INPP4B: variants seen among roughly 807,000 people sequenced by gnomAD.
INPP4B encodes the protein inositol polyphosphate 4-phosphatase type II.
Under a neutral mutation model 122.5 loss-of-function variants are expected in INPP4B, and 55 were observed. The ratio of observed to expected loss-of-function variants is 0.45; its 90% confidence interval spans 0.36 to 0.56. INPP4B has a LOEUF of 0.56. Ranked by LOEUF, INPP4B falls within the 20% of genes least tolerant of loss-of-function variation. INPP4B has a pLI of 0.00. For missense variants in INPP4B, 1,000 were observed against 1,097.7 expected (o/e 0.91, Z 1.26); for synonymous variants, 403 against 388.7 (o/e 1.04, Z -0.43).
chr4:142,673,359 A>C (rs1443348409), intron 2 of INPP4B, among the ~76,000 whole-genome samples: 1 of 151,870 alleles, frequency 6.6e-6, no homozygotes, highest in African/African-American at 2.4e-5. Flanking sequence ...CCTATTATAT[A>C]TTAGCCTATG....
chr4:142,136,937 AT>A (rs1294356883), intron 18 of INPP4B, among the ~76,000 whole-genome samples: 2 of 152,232 alleles, frequency 1.3e-5, no homozygotes, highest in Middle Eastern at 3.2e-3. Context: ...AAGAATCAAT[AT>A]CGTGAAAATG....
chr4:142,372,668 C>T lies in INPP4B; in HGVS notation c.372+30270G>A, dbSNP rs529091490. Among the ~76,000 whole-genome samples, 13 of 152,124 alleles carry T rather than the reference C, an allele frequency of 8.5e-5. No individual in the cohort carries two copies. The South Asian group carries it at 1.2e-3, about 15-fold the overall frequency. On this transcript the variant is annotated intron_variant, in intron 7 of 25. Transcript: ENST00000262992. ...CCAAGGTCTTATTTCATTTCCAGTACGACTTCTGACAGCTGGTAGAAATGT... is the reference window on the plus strand; with the variant it reads ...CCAAGGTCTTATTTCATTTCCAGTATGACTTCTGACAGCTGGTAGAAATGT...
intron 5 of INPP4B, among the ~76,000 whole-genome samples, chr4:142,405,776 A>G (rs1229510313): frequency 6.6e-6 from 1 of 152,108 alleles, no homozygotes; most frequent in African/African-American, 2.4e-5. Flanking sequence ...TTACCTATGT[A>G]TTCACTAGAA....
intron 2 of INPP4B, among the ~76,000 whole-genome samples, chr4:142,642,916 C>T (rs1222088070): frequency 2.6e-5 from 4 of 152,136 alleles, no homozygotes; most frequent in African/African-American, 9.7e-5. Flanking sequence ...AATGTTCTTC[C>T]ATTTGTTTGT....
chr4:142,680,822 G>A (rs1406241686), intron 2 of INPP4B, among the ~76,000 whole-genome samples: 3 of 151,782 alleles, frequency 2.0e-5, no homozygotes, highest in African/African-American at 7.3e-5. Flanking sequence ...GAAACACCAG[G>A]ACAAACTGGA....
chr4:142,345,617 TAG>T (rs1469248042), intron 7 of INPP4B, among the ~76,000 whole-genome samples: 2 of 152,022 alleles, frequency 1.3e-5, no homozygotes, highest in African/African-American at 4.8e-5. Context: ...GCACATTAAT[TAG>T]AGAGCGTAGT....
chr4:142,222,159 C>T (rs1056589638), intron 12 of INPP4B, among the ~76,000 whole-genome samples: 1 of 152,176 alleles, frequency 6.6e-6, no homozygotes, highest in Non-Finnish European at 1.5e-5. Context: ...AGGGTTTCAC[C>T]ATGTTAGCCA....
chr4:142,709,135 T>C (rs1762814375), intron 2 of INPP4B, among the ~76,000 whole-genome samples: 1 of 152,200 alleles, frequency 6.6e-6, no homozygotes, highest in Non-Finnish European at 1.5e-5. Flanking sequence ...GTAGTGCCTT[T>C]GTTTTGGCTG....
At chr4:142,207,377 A>G (rs1842997511) in intron 14 of INPP4B, among the ~76,000 whole-genome samples, 1 of 152,136 alleles carries the variant, frequency 6.6e-6, no homozygotes, top group Non-Finnish European at 1.5e-5. Context: ...TGTTTTTACC[A>G]TAGTGGCTAT....
At chr4:142,813,247 T>A (rs1034984742) in intron 1 of INPP4B, among the ~76,000 whole-genome samples, 1 of 152,162 alleles carries the variant, frequency 6.6e-6, no homozygotes, top group Non-Finnish European at 1.5e-5. Context: ...CATTTCAGAG[T>A]AGAAACTAAT....
rs1372607325 is a variant in INPP4B, at chr4:142,789,741, A to G, written c.-254+56468T>C. Among the ~76,000 whole-genome samples the G allele has an allele frequency of 5.3e-5, 8 of 152,088 alleles. No individual in the cohort carries two copies. In the East Asian group the frequency reaches 1.5e-3, roughly 29 times the overall value. ...TCACAGAATTAGAAAAAACAATCCTAAAATTCACATGGAACCAAAAAAGCC... is the reference window on the plus strand; with the variant it reads ...TCACAGAATTAGAAAAAACAATCCTGAAATTCACATGGAACCAAAAAAGCC... On this transcript the variant is annotated intron_variant, in intron 1 of 25. Coordinates refer to ENST00000262992, the MANE Select transcript of INPP4B (RefSeq NM_001101669.3).
intron 1 of INPP4B, among the ~76,000 whole-genome samples, chr4:142,740,656 CA>C (rs1767768782): frequency 6.6e-6 from 1 of 151,612 alleles, no homozygotes; most frequent in African/African-American, 2.4e-5. Context: ...TTGGAGTTTA[CA>C]ACACTCAAAA....
At chr4:142,128,756 T>A (rs1799854549) in intron 18 of INPP4B, among the ~76,000 whole-genome samples, 1 of 152,072 alleles carries the variant, frequency 6.6e-6, no homozygotes, top group Non-Finnish European at 1.5e-5. Context: ...CACTGAAGGA[T>A]TCAGAGAACG....
chr4:142,535,945 A>G (rs910470922), intron 2 of INPP4B, among the ~76,000 whole-genome samples: 4 of 152,172 alleles, frequency 2.6e-5, no homozygotes, highest in Non-Finnish European at 5.9e-5. Context: ...CCCTATGTCT[A>G]CATCATGCAT....
At chr4:142,396,789 C>T (rs1474736219) in intron 7 of INPP4B, among the ~76,000 whole-genome samples, 1 of 151,968 alleles carries the variant, frequency 6.6e-6, no homozygotes, top group East Asian at 1.9e-4. Flanking sequence ...GCTAATGATT[C>T]ATGCAGGAAA....
chr4:142,218,706 C>T (rs1362177310), intron 12 of INPP4B, among the ~76,000 whole-genome samples: 1 of 152,092 alleles, frequency 6.6e-6, no homozygotes, highest in African/African-American at 2.4e-5. Context: ...GTAGTTATTA[C>T]ACAGTAAAAC....
At chr4:142,764,481 A>T (rs973313022) in intron 1 of INPP4B, among the ~76,000 whole-genome samples, 13 of 151,848 alleles carry the variant, frequency 8.6e-5, no homozygotes, top group Non-Finnish European at 1.6e-4. Context: ...ATACTGTCAA[A>T]TAAAAAAAAA....
intron 2 of INPP4B, among the ~76,000 whole-genome samples, chr4:142,637,323 C>CA (rs200374025): frequency 7.2e-5 from 11 of 151,970 alleles, no homozygotes; most frequent in Non-Finnish European, 1.0e-4. Flanking sequence ...TTGCCCCCCG[C>CA]AAAAAAATTG....
chr4:142,416,707 G>T (rs1805845343), intron 5 of INPP4B, among the ~76,000 whole-genome samples: 1 of 152,102 alleles, frequency 6.6e-6, no homozygotes, highest in African/African-American at 2.4e-5. Context: ...GTTTTGAAGT[G>T]CTTAAAGAAG....
Sources: gnomAD v4.1 joint callset for allele counts (sites outside exome capture counted in the v4.1 genomes callset) on GRCh38, gnomAD v4.1.1 for gene constraint, MANE v1.5 for transcripts, NCBI Gene and HGNC (gene_info 2026-07-23, HGNC 2026-07-21) for gene names.